The following PATL2 variants were observed in gnomAD, a reference collection of about 807,000 sequenced individuals.
PATL2 encodes protein PAT1 homolog 2.
PATL2 carries 73 observed loss-of-function variants against 77.0 expected under a neutral mutation model. The ratio of observed to expected loss-of-function variants is 0.95; its 90% CI spans 0.78 to 1.15. The LOEUF (loss-of-function observed/expected upper bound fraction) is 1.15. Ranked by LOEUF, PATL2 falls within the 50% of genes most tolerant of loss-of-function variation. The probability of loss-of-function intolerance (pLI) is 0.00; values close to 1 mark genes in which losing one functional copy is unlikely to be tolerated. For synonymous variants in PATL2, 265 were observed against 257.1 expected (o/e 1.03, Z -0.29); for missense variants, 618 against 655.4 (o/e 0.94, Z 0.62).
chr15:44,697,168 CCTCCTT>C (rs974342462), intron 3 of PATL2, among the ~76,000 whole-genome samples: 5 of 151,896 alleles, frequency 3.3e-5, no homozygotes, highest in Admixed American at 2.0e-4. Flanking sequence ...CCTTCCTCCT[CCTCCTT>C]CTCCTCCTCC....
intron 2 of PATL2, among the ~76,000 whole-genome samples, 115 bp downstream of exon 2, chr15:44,710,756 T>C (rs3759877): frequency 0.051 from 7,739 of 152,228 alleles, 474 homozygotes; most frequent in African/African-American, 0.12. Context: ...AAGAGAATGA[T>C]GTACCTAGAG....
At chr15:44,681,195 T>G (rs1235865711) in intron 3 of PATL2, among the ~76,000 whole-genome samples, 1 of 152,180 alleles carries the variant, frequency 6.6e-6, no homozygotes, top group Non-Finnish European at 1.5e-5. Flanking sequence ...ATTTTTAAAA[T>G]TTTTATAGAG....
chr15:44,674,463 A>G lies in PATL2; in HGVS notation c.223-233T>C, dbSNP rs907588733. The G allele has an allele frequency of 8.1e-5, 39 of 482,608 alleles. 1 individual carries two copies. The highest frequency in any genetic ancestry group is 4.4e-5 in the Non-Finnish European group (12 of 271,148). The allele number at this position is 482,608 out of a possible 1,614,324, so 29.9% of individuals were successfully genotyped here. On this transcript the variant is annotated intron_variant, in intron 5 of 17. Transcript: ENST00000682850. ...GTCCTCCCTTATTCATGAGACATAT[A>G]TGTTCCGAGACCCCCAAGGGATGCC... is the stretch of plus-strand genomic sequence containing the variant.
At chr15:44,700,867 G>A (rs1204016710) in intron 3 of PATL2, among the ~76,000 whole-genome samples, 2 of 152,048 alleles carry the variant, frequency 1.3e-5, no homozygotes, top group African/African-American at 4.8e-5. Context: ...AAAGGCTTTA[G>A]GTTTTCCCCT....
chr15:44,678,661 A>T (rs1379563027), intron 3 of PATL2, among the ~76,000 whole-genome samples: 1 of 152,150 alleles, frequency 6.6e-6, no homozygotes, highest in Non-Finnish European at 1.5e-5. Flanking sequence ...GTCAGATTTT[A>T]AAAAGACATT....
chr15:44,666,072 C>T, intron 17 of PATL2, 101 bp from the exon 18 acceptor site: 10 of 1,089,352 alleles, frequency 9.2e-6, no homozygotes, highest in Non-Finnish European at 1.3e-5. Flanking sequence ...ATTCTGAGGA[C>T]AGAGATGACC....
intron 3 of PATL2, among the ~76,000 whole-genome samples, chr15:44,704,756 AT>A (rs2086697779): frequency 6.6e-6 from 1 of 152,200 alleles, no homozygotes; most frequent in East Asian, 1.9e-4. Flanking sequence ...TTTCTTTCTG[AT>A]TAAAGAACTC....
Position 44,701,035 on chromosome 15 carries a change from T to C in PATL2, c.-76+9061A>G, listed in dbSNP as rs540153003. Reference sequence around the variant, plus strand: ...ATCAGTTGAAATGATCATATGGTTTTTGCCCTTCATTCTGTTGATATGATA... The same window carrying C: ...ATCAGTTGAAATGATCATATGGTTTCTGCCCTTCATTCTGTTGATATGATA... On this transcript the variant is annotated intron_variant, in intron 3 of 17. Transcript: ENST00000682850. 3.0e-4 allele frequency among the ~76,000 whole-genome samples: 46 copies of C among 152,306 alleles called. 3 individuals carry two copies. Among genetic ancestry groups the C allele is most frequent in the Middle Eastern group, 3.4e-3 (1 of 294 alleles).
intron 7 of PATL2, among the ~76,000 whole-genome samples, chr15:44,672,768 T>G (rs2085753968): frequency 6.6e-6 from 1 of 152,204 alleles, no homozygotes; most frequent in South Asian, 2.1e-4. Flanking sequence ...TAAATTTTTA[T>G]TTTTAATTTT....
chr15:44,680,938 A>G (rs1329999054), intron 3 of PATL2, among the ~76,000 whole-genome samples: 1 of 152,236 alleles, frequency 6.6e-6, no homozygotes, highest in Non-Finnish European at 1.5e-5. Context: ...TGCCACCTAT[A>G]TAATTCTCGG....
At chr15:44,704,693 T>G (rs1392523913) in intron 3 of PATL2, among the ~76,000 whole-genome samples, 1 of 152,222 alleles carries the variant, frequency 6.6e-6, no homozygotes, top group Non-Finnish European at 1.5e-5. Flanking sequence ...GTACTTCCAA[T>G]TACCAGTGAG....
At chr15:44,676,878 G>A (rs2085986364) in intron 3 of PATL2, 2 of 1,082,140 alleles carry the variant, frequency 1.8e-6, no homozygotes, top group Non-Finnish European at 2.3e-6. Flanking sequence ...CCTGACTGTT[G>A]CTGTCCTTTC....
chr15:44,683,640 T>G (rs2086185978), intron 3 of PATL2, among the ~76,000 whole-genome samples: 1 of 152,192 alleles, frequency 6.6e-6, no homozygotes, highest in South Asian at 2.1e-4. Flanking sequence ...ACAGAGCACC[T>G]GGTAGAAGGG....
intron 9 of PATL2, among the ~76,000 whole-genome samples, chr15:44,670,374 T>C (rs1595960456): frequency 6.6e-6 from 1 of 152,078 alleles, no homozygotes; most frequent in Admixed American, 6.6e-5. Context: ...TTGTATTTTT[T>C]GTAGAGGTGG....
At chr15:44,674,824 C>T (rs1302526724) in intron 5 of PATL2, 4 of 152,106 alleles carry the variant, frequency 2.6e-5, no homozygotes, top group Non-Finnish European at 5.9e-5. Flanking sequence ...TCTAGCAACC[C>T]TCCCAAAGTG....
intron 3 of PATL2, among the ~76,000 whole-genome samples, chr15:44,689,594 A>G (rs2086340113): frequency 6.7e-6 from 1 of 149,312 alleles, no homozygotes; most frequent in South Asian, 2.1e-4. Context: ...CACCATTCTC[A>G]GCAAACTAAC....
chr15:44,701,552 T>C (rs1302822113), intron 3 of PATL2, among the ~76,000 whole-genome samples: 1 of 151,294 alleles, frequency 6.6e-6, no homozygotes, highest in Non-Finnish European at 1.5e-5. Flanking sequence ...GAAAATTAGC[T>C]GGGTGTGGTG....
intron 3 of PATL2, among the ~76,000 whole-genome samples, chr15:44,698,562 G>GAATTCACCCTTT: frequency 6.6e-6 from 1 of 151,892 alleles, no homozygotes; most frequent in African/African-American, 2.4e-5. Context: ...CAAATGACAA[G>GAATTCACCCTTT]AATTCACCCT....
At chr15:44,678,420 T>G (rs1394475324) in intron 3 of PATL2, among the ~76,000 whole-genome samples, 2 of 152,064 alleles carry the variant, frequency 1.3e-5, no homozygotes, top group African/African-American at 4.8e-5. Context: ...CTGTTTGGAG[T>G]TTCACTTGGG....
Sources: allele counts gnomAD v4.1 joint callset (sites outside exome capture counted in the v4.1 genomes callset), GRCh38; gene constraint gnomAD v4.1.1; transcripts MANE v1.5; gene names NCBI Gene and HGNC (gene_info 2026-07-23, HGNC 2026-07-21).